Variants in UFL1 observed in about 807,000 individuals in gnomAD.
UFL1 encodes the protein E3 UFM1-protein ligase 1.
Under a neutral mutation model 99.3 loss-of-function variants are expected in UFL1, and 78 were observed. That is an observed-to-expected ratio of 0.79 (90% CI 0.65 to 0.95). The LOEUF (loss-of-function observed/expected upper bound fraction) is 0.95, where lower values mean the gene tolerates loss of function less well. UFL1 is among the 40% of genes least tolerant of loss of function. UFL1 has a pLI of 0.00. For synonymous variants in UFL1, 335 were observed against 322.2 expected (o/e 1.04, Z -0.42); for missense variants, 936 against 937.0 (o/e 1.00, Z 0.01).
chr6:96,554,141 T>A lies in UFL1; in HGVS notation c.*638T>A, dbSNP rs1156911955. The A allele has an allele frequency of 6.6e-6, 1 of 152,138 alleles. No individual in the cohort carries two copies. 9.4% of individuals were successfully genotyped at this position (152,138 alleles called of 1,614,324 possible). ...TTACAGGTGCACAAGAACGCTAGAG[T>A]GGCCCATGCATTGCTGTGTTCTCTT... On this transcript the variant is annotated 3_prime_UTR_variant, in exon 19 of 19. Coordinates refer to ENST00000369278, the MANE Select transcript of UFL1 (RefSeq NM_015323.5).
At position 96,554,208 on chromosome 6, in the gene UFL1, A is replaced by G. The variant is rs919958669; in HGVS notation, c.*705A>G. The G allele has an allele frequency of 6.6e-6, 1 of 152,196 alleles. No homozygotes were observed. Among genetic ancestry groups the G allele is most frequent in the East Asian group, 1.9e-4 (1 of 5,192 alleles). The allele number at this position is 152,196 out of a possible 1,614,324, so 9.4% of individuals were successfully genotyped here. The stretch of plus-strand genomic sequence containing the variant: ...ACAAGAGAGAGAACACATGCAATTT[A>G]TTACCAGTAAGCATAAGTCATATTT... On this transcript the variant is annotated 3_prime_UTR_variant, in exon 19 of 19. Transcript: ENST00000369278.
intron 5 of UFL1, 107 bp from the exon 6 acceptor site, chr6:96,528,395 A>T: frequency 7.6e-7 from 1 of 1,322,912 alleles, no homozygotes; most frequent in Non-Finnish European, 1.0e-6. Context: ...CTTCTCAATC[A>T]CATGACTGAT....
intron 10 of UFL1, among the ~76,000 whole-genome samples, chr6:96,540,332 A>AAGAGCAGCAAGGTCAAGAGCAG (rs2127951645): frequency 6.6e-6 from 1 of 151,574 alleles, no homozygotes; most frequent in South Asian, 2.1e-4. Context: ...AATAATGGGT[A>AAGAGCAGCAAGGTCAAGAGCAG]CAAAAAAGGT....
At chr6:96,551,319 C>T in intron 15 of UFL1, 114 bp from the exon 16 acceptor site, 6 of 620,074 alleles carry the variant, frequency 9.7e-6, no homozygotes, top group Non-Finnish European at 1.7e-5. Context: ...ATCTAAAATT[C>T]AAGAATATGG....
intron 3 of UFL1, 141 bp downstream of exon 3, chr6:96,524,551 C>G: frequency 1.8e-6 from 1 of 543,052 alleles, no homozygotes; most frequent in Non-Finnish European, 3.1e-6. Flanking sequence ...CGCTGATACA[C>G]TGAATTGATT....
chr6:96,528,576 A>C lies in UFL1; in HGVS notation c.540A>C (p.Glu180Asp). 1 of 1,613,930 alleles carries C rather than the reference A, an allele frequency of 6.2e-7. No individual in the cohort carries two copies. Among genetic ancestry groups the C allele is most frequent in the Non-Finnish European group, 8.5e-7 (1 of 1,179,876 alleles). Residue 180 changes from glutamate to aspartate, a missense_variant, in exon 6 of 19, where the codon GAA (glutamate) becomes GAC (aspartate). Coordinates refer to ENST00000369278, the MANE Select transcript of UFL1 (RefSeq NM_015323.5). ...ATAATAGAGGAGTAATTTTTACGGA[A>C]GCTTTTGTAGCTCGACATAAAGCAC... ...DLDNRGVIFT[E>D]AFVARHKARI... is the part of the protein sequence containing the mutation.
chr6:96,531,327 C>G (rs926393218), intron 6 of UFL1, among the ~76,000 whole-genome samples: 6 of 152,174 alleles, frequency 3.9e-5, no homozygotes, highest in African/African-American at 1.4e-4. Flanking sequence ...GCTGATACTT[C>G]CATTTCTAGT....
At chr6:96,546,030 C>T (rs773029155) in intron 12 of UFL1, among the ~76,000 whole-genome samples, 64 of 150,808 alleles carry the variant, frequency 4.2e-4, no homozygotes, top group Non-Finnish European at 7.7e-4. Flanking sequence ...AGCAGTCAGG[C>T]AAAAGAAAGA....
chr6:96,522,535 G>T (rs1051803461), intron 1 of UFL1, among the ~76,000 whole-genome samples: 11 of 152,068 alleles, frequency 7.2e-5, no homozygotes, highest in Admixed American at 3.3e-4. Flanking sequence ...TAAAAATAAC[G>T]CTAATAGAAG....
chr6:96,552,607 C>A lies in UFL1; in HGVS notation c.2111C>A (p.Ala704Glu). 11 of 1,612,566 alleles carry A rather than the reference C, an allele frequency of 6.8e-6. No homozygotes were observed. The highest frequency in any genetic ancestry group is 9.3e-6 in the Non-Finnish European group (11 of 1,179,504). The change falls in exon 18 of 19, where the codon GCA becomes GAA. Residue 704 changes from alanine to glutamate, a missense_variant. Ala to Glu is a moderately radical substitution (Grantham distance 107). Coordinates refer to ENST00000369278, the MANE Select transcript of UFL1 (RefSeq NM_015323.5). ...FQFSTHSMLH[A>E]PGRCVPQIIA... ...TTTTCAACCCACAGCATGCTCCATGCACCTGGAAGATGTGTCCCACAGATC... is the reference window on the plus strand; with the variant it reads ...TTTTCAACCCACAGCATGCTCCATGAACCTGGAAGATGTGTCCCACAGATC...
intron 6 of UFL1, among the ~76,000 whole-genome samples, chr6:96,531,909 A>G (rs1186311282): frequency 6.6e-6 from 1 of 152,214 alleles, no homozygotes; most frequent in Non-Finnish European, 1.5e-5. Context: ...AGTACCATTT[A>G]AGGCACCATA....
At chr6:96,545,464 GA>G (rs1769986257) in intron 12 of UFL1, among the ~76,000 whole-genome samples, 1 of 150,624 alleles carries the variant, frequency 6.6e-6, no homozygotes, top group South Asian at 2.1e-4. Context: ...AGAATTCTGA[GA>G]TTTTTTTTTA....
chr6:96,538,780 C>G lies in UFL1; in HGVS notation c.1128C>G (p.Phe376Leu), dbSNP rs766268632. 3.7e-6 allele frequency: 6 copies of G among 1,607,238 alleles called. No individual in the cohort carries two copies. In the East Asian group the frequency reaches 8.9e-5, roughly 24 times the overall value. The change falls in exon 10 of 19, where the codon TTC becomes TTG. Residue 376 changes from phenylalanine (F) to leucine (L), a missense_variant. Coordinates refer to ENST00000369278, the MANE Select transcript of UFL1 (RefSeq NM_015323.5). ...EKFINDCTEL[F>L]RELMHQKAEK... Reference sequence around the variant, plus strand: ...TTATAAATGACTGTACAGAACTGTTCCGTGAGCTGATGCACCAGAAAGCTG... The same window carrying G: ...TTATAAATGACTGTACAGAACTGTTGCGTGAGCTGATGCACCAGAAAGCTG...
At chr6:96,545,786 A>G (rs1315903897) in intron 12 of UFL1, among the ~76,000 whole-genome samples, 1 of 151,236 alleles carries the variant, frequency 6.6e-6, no homozygotes, top group Non-Finnish European at 1.5e-5. Flanking sequence ...ATCAGTTTTA[A>G]ATGAAGTTAG....
At chr6:96,538,597 T>C in intron 9 of UFL1, 34 bp from the exon 10 acceptor site, 1 of 1,595,938 alleles carries the variant, frequency 6.3e-7, no homozygotes, top group South Asian at 1.1e-5. Context: ...TATATTGCAT[T>C]TATACTTTAT....
At chr6:96,551,336 C>A in intron 15 of UFL1, 97 bp from the exon 16 acceptor site, 2 of 679,008 alleles carry the variant, frequency 2.9e-6, no homozygotes, top group Non-Finnish European at 5.0e-6. Flanking sequence ...ATGGTAAATT[C>A]CACTCAGGAA....
intron 3 of UFL1, among the ~76,000 whole-genome samples, chr6:96,525,072 C>CTT (rs77037523): frequency 7.0e-6 from 1 of 141,928 alleles, no homozygotes. Context: ...TTCTTTCTTT[C>CTT]TTTTTTTTTT....
chr6:96,544,333 T>C (rs1202605339), intron 12 of UFL1, among the ~76,000 whole-genome samples: 1 of 150,860 alleles, frequency 6.6e-6, no homozygotes, highest in African/African-American at 2.4e-5. Flanking sequence ...TTTTAATTTT[T>C]CTGTTTAAAA....
Position 96,540,625 on chromosome 6 carries a change from A to G in UFL1, c.1249A>G (p.Lys417Glu). The change falls in exon 11 of 19, where the codon AAA becomes GAA. Residue 417 changes from lysine to glutamate, a missense_variant. By Grantham distance (56) the Lys-to-Glu change is moderately conservative. Transcript: ENST00000369278. ...LESVSTSKKD[K>E]KDERRRKATE... ...AAGCGTTAGTACAAGTAAAAAGGATAAAAAAGATGAGCGAAGAAGGAAAGC... is the reference window on the plus strand; with the variant it reads ...AAGCGTTAGTACAAGTAAAAAGGATGAAAAAGATGAGCGAAGAAGGAAAGC... 1 of 1,601,998 alleles carries G rather than the reference A, an allele frequency of 6.2e-7. No homozygotes were observed. The highest frequency in any genetic ancestry group is 8.5e-7 in the Non-Finnish European group (1 of 1,175,138).
Sources: allele counts gnomAD v4.1 joint callset (sites outside exome capture counted in the v4.1 genomes callset), GRCh38; gene constraint gnomAD v4.1.1; transcripts MANE v1.5; gene names NCBI Gene and HGNC (gene_info 2026-07-23, HGNC 2026-07-21).